Variants in NKAIN3 observed in about 807,000 individuals in gnomAD.
NKAIN3 encodes sodium/potassium-transporting ATPase subunit beta-1-interacting protein 3.
Under a neutral mutation model 30.2 loss-of-function variants are expected in NKAIN3, and 25 were observed. The observed-to-expected ratio is 0.83, with a 90% confidence interval of 0.60 to 1.16. The LOEUF (loss-of-function observed/expected upper bound fraction) is 1.16, where lower values mean the gene tolerates loss of function less well. Among genes scored for constraint, NKAIN3 ranks in the 50% most tolerant of loss-of-function variants. The pLI, the probability that NKAIN3 is intolerant of heterozygous loss-of-function variation, is 0.00. For missense variants in NKAIN3, 225 were observed against 254.1 expected, an observed-to-expected ratio of 0.89 and a Z score of 0.78; for synonymous variants, 91 against 89.6, an observed-to-expected ratio of 1.02 and a Z score of -0.09.
chr8:62,311,353 A>G (rs1814424065), intron 1 of NKAIN3, among the ~76,000 whole-genome samples: 1 of 150,444 alleles, frequency 6.6e-6, no homozygotes, highest in African/African-American at 2.5e-5. Context: ...TGCTTCCAAA[A>G]GACATGGCCT....
intron 4 of NKAIN3, among the ~76,000 whole-genome samples, chr8:62,837,514 A>G (rs1419488880): frequency 2.0e-5 from 3 of 152,180 alleles, no homozygotes; most frequent in Non-Finnish European, 4.4e-5. Context: ...CTTCACATGA[A>G]AACAATGTGT....
At chr8:62,913,612 G>A (rs149739611) in intron 4 of NKAIN3, among the ~76,000 whole-genome samples, 31 of 152,272 alleles carry the variant, frequency 2.0e-4, no homozygotes, top group African/African-American at 7.5e-4. Flanking sequence ...CTGTTTTTAA[G>A]AAAACTAATG....
At chr8:62,399,291 A>G (rs1817862297) in intron 1 of NKAIN3, among the ~76,000 whole-genome samples, 1 of 152,080 alleles carries the variant, frequency 6.6e-6, no homozygotes. Flanking sequence ...AGATCGCTTG[A>G]GATCAGGAGT....
intron 4 of NKAIN3, among the ~76,000 whole-genome samples, chr8:62,843,939 T>C (rs938511966): frequency 4.6e-5 from 7 of 152,094 alleles, no homozygotes; most frequent in African/African-American, 1.7e-4. Flanking sequence ...TGAAATGCCA[T>C]GCAAGAAGTA....
chr8:62,985,094 G>C (rs1824176283), downstream of NKAIN3, among the ~76,000 whole-genome samples: 1 of 152,104 alleles, frequency 6.6e-6, no homozygotes, highest in African/African-American at 2.4e-5. Context: ...AGAAATTTCT[G>C]AGCAACCCTG....
chr8:62,713,936 A>C (rs1354187177), intron 3 of NKAIN3, among the ~76,000 whole-genome samples: 1 of 152,176 alleles, frequency 6.6e-6, no homozygotes, highest in Non-Finnish European at 1.5e-5. Context: ...ATATAAAACC[A>C]CTAGATTGTG....
intron 3 of NKAIN3, among the ~76,000 whole-genome samples, chr8:62,664,564 T>G (rs1378175787): frequency 2.0e-5 from 3 of 152,172 alleles, no homozygotes; most frequent in Non-Finnish European, 4.4e-5. Context: ...TTTTCCTTAC[T>G]GAGCTTCTGT....
chr8:62,683,037 G>T (rs546358440), intron 3 of NKAIN3, among the ~76,000 whole-genome samples: 2 of 151,928 alleles, frequency 1.3e-5, no homozygotes, highest in African/African-American at 2.4e-5. Flanking sequence ...TTGTTTGTTT[G>T]TTTGTTTGTT....
chr8:62,271,630 A>AT (rs1360764979), intron 1 of NKAIN3, among the ~76,000 whole-genome samples: 4 of 152,250 alleles, frequency 2.6e-5, no homozygotes, highest in Non-Finnish European at 5.9e-5. Context: ...AGCTGTTTTA[A>AT]TTTTTTCAGG....
At chr8:62,417,858 A>G (rs1804499787) in intron 1 of NKAIN3, among the ~76,000 whole-genome samples, 1 of 152,156 alleles carries the variant, frequency 6.6e-6, no homozygotes. Flanking sequence ...TTCCTTGTAT[A>G]TTCTGCTTAT....
At chr8:62,730,143 T>A (rs1172347950) in intron 3 of NKAIN3, among the ~76,000 whole-genome samples, 1 of 152,180 alleles carries the variant, frequency 6.6e-6, no homozygotes, top group African/African-American at 2.4e-5. Context: ...TTATTTTTAA[T>A]TATTTTCTGC....
chr8:62,859,900 T>C (rs1292734779), intron 4 of NKAIN3, among the ~76,000 whole-genome samples: 3 of 152,170 alleles, frequency 2.0e-5, no homozygotes, highest in Non-Finnish European at 4.4e-5. Flanking sequence ...TAGAATGAAA[T>C]TTTTAATAGC....
intron 1 of NKAIN3, among the ~76,000 whole-genome samples, chr8:62,575,632 G>T (rs933628192): frequency 6.6e-6 from 1 of 151,938 alleles, no homozygotes; most frequent in Non-Finnish European, 1.5e-5. Flanking sequence ...TTTATATGTA[G>T]TCACAAAACA....
intron 4 of NKAIN3, among the ~76,000 whole-genome samples, chr8:62,885,621 T>C (rs1217451453): frequency 1.3e-5 from 2 of 152,218 alleles, no homozygotes; most frequent in Admixed American, 1.3e-4. Context: ...TATTTCTCTT[T>C]GCTCTTCTAT....
chr8:62,480,190 C>A (rs1806668356), intron 1 of NKAIN3, among the ~76,000 whole-genome samples: 1 of 152,104 alleles, frequency 6.6e-6, no homozygotes, highest in African/African-American at 2.4e-5. Flanking sequence ...AAGCATTGTG[C>A]TACTTTCCAT....
At chr8:62,397,288 A>T (rs2351657) in intron 1 of NKAIN3, among the ~76,000 whole-genome samples, 1 of 151,564 alleles carries the variant, frequency 6.6e-6, no homozygotes, top group Non-Finnish European at 1.5e-5. Flanking sequence ...ATGAACCAAA[A>T]CTTCTAAAAT....
chr8:62,986,243 T>C (rs185423875), downstream of NKAIN3, among the ~76,000 whole-genome samples: 3 of 152,346 alleles, frequency 2.0e-5, no homozygotes, highest in Non-Finnish European at 2.9e-5. Flanking sequence ...AAGGAACATC[T>C]GAGCCCCTAG....
intron 1 of NKAIN3, among the ~76,000 whole-genome samples, chr8:62,345,037 C>T (rs1172475428): frequency 6.6e-6 from 1 of 151,290 alleles, no homozygotes; most frequent in African/African-American, 2.4e-5. Flanking sequence ...TAAGTTTATT[C>T]CTAGTTGTTT....
rs1179063659 is a variant in NKAIN3, at chr8:62,784,777, G to A, written c.471+37648G>A. Among the ~76,000 whole-genome samples the A allele has an allele frequency of 2.6e-5, 4 of 151,996 alleles. No homozygotes were observed. The South Asian group carries it at 6.2e-4, about 24-fold the overall frequency. The stretch of plus-strand genomic sequence containing the variant: ...GCTTCTGTTGGGCTGGTATTACTTA[G>A]ACACCAAGGCCACAAAAAGACGTCA... On this transcript the variant is annotated intron_variant, in intron 4 of 6. Coordinates refer to ENST00000623646, the MANE Select transcript of NKAIN3 (RefSeq NM_001304533.3).
Sources: allele counts gnomAD v4.1 joint callset (sites outside exome capture counted in the v4.1 genomes callset), GRCh38; gene constraint gnomAD v4.1.1; transcripts MANE v1.5; gene names NCBI Gene and HGNC (gene_info 2026-07-23, HGNC 2026-07-21).